Variants in TSPEAR observed in about 807,000 individuals in gnomAD.
The protein encoded by TSPEAR is thrombospondin-type laminin G domain and EAR repeat-containing protein.
A neutral mutation model predicts 71.6 loss-of-function variants in TSPEAR; 69 were observed. The observed-to-expected ratio is 0.96, with a 90% CI of 0.79 to 1.18. The LOEUF (loss-of-function observed/expected upper bound fraction) is 1.18, where lower values mean the gene tolerates loss of function less well. Ranked by LOEUF, TSPEAR falls within the 50% of genes most tolerant of loss-of-function variation. The pLI, the probability that TSPEAR is intolerant of heterozygous loss-of-function variation, is 0.00. For missense variants in TSPEAR, 971 were observed against 894.9 expected (o/e 1.09, Z -1.09); for synonymous variants, 402 against 387.2 (o/e 1.04, Z -0.45).
rs587759794 is a variant in TSPEAR, at chr21:44,672,374, T to G, written c.82+39059A>C. On this transcript the variant is annotated intron_variant, in intron 1 of 11. Transcript: ENST00000323084. ...TCACAAGGTCAGGAGATTGAGACCA[T>G]CCTGGCTAACACGGTGAAACCCCGT... is the stretch of plus-strand genomic sequence containing the variant. Among the ~76,000 whole-genome samples the G allele has an allele frequency of 3.4e-4, 51 of 152,170 alleles. No individual in the cohort carries two copies. The East Asian group carries it at 9.1e-3, about 27-fold the overall frequency.
chr21:44,633,390 T>C, intron 1 of TSPEAR, among the ~76,000 whole-genome samples: 1 of 152,226 alleles, frequency 6.6e-6, no homozygotes, highest in East Asian at 1.9e-4. Context: ...CTCCATAAAC[T>C]GTTTTGCCGT....
intron 1 of TSPEAR, chr21:44,601,794 C>A: frequency 6.4e-7 from 1 of 1,564,024 alleles, no homozygotes; most frequent in Non-Finnish European, 8.7e-7. Flanking sequence ...CCCCTGGATT[C>A]TTTACCCTTG....
rs587630981 is a variant in TSPEAR at position 44,615,258 on chromosome 21, G to A, written c.83-47253C>T. Among the ~76,000 whole-genome samples, 15 of 152,360 alleles carry A rather than the reference G, an allele frequency of 9.8e-5. No individual in the cohort carries two copies. In the East Asian group the frequency reaches 2.1e-3, roughly 22 times the overall value. On this transcript the variant is annotated intron_variant, in intron 1 of 11. Transcript: ENST00000323084. ...GCGAATGGAGCCAGCGCCGCACCAC[G>A]GGGAGGCCCTGCACGAGGGCCGTGC...
chr21:44,572,140 G>A (rs1434263778), intron 1 of TSPEAR, among the ~76,000 whole-genome samples: 2 of 152,328 alleles, frequency 1.3e-5, no homozygotes, highest in African/African-American at 4.8e-5. Context: ...CTCTGACCAC[G>A]AGGAAACCTC....
At chr21:44,545,997 A>G (rs115536772) in intron 2 of TSPEAR, among the ~76,000 whole-genome samples, 2,322 of 152,306 alleles carry the variant, frequency 0.015, 60 homozygotes, top group African/African-American at 0.053. Context: ...AGATTTGACA[A>G]ATCTTTATCT....
chr21:44,697,860 C>A, intron 1 of TSPEAR: 1 of 1,603,866 alleles, frequency 6.2e-7, no homozygotes, highest in Non-Finnish European at 8.5e-7. Context: ...CCCACCTCCT[C>A]CTGCCAGCCA....
intron 1 of TSPEAR, among the ~76,000 whole-genome samples, chr21:44,572,587 C>T (rs587628570): frequency 3.7e-4 from 57 of 152,004 alleles, no homozygotes; most frequent in African/African-American, 1.3e-3. Context: ...ACACTTCTGC[C>T]GTGCTTGCCT....
At chr21:44,692,046 A>T (rs1601571559) in intron 1 of TSPEAR, among the ~76,000 whole-genome samples, 1 of 152,208 alleles carries the variant, frequency 6.6e-6, no homozygotes. Flanking sequence ...ATGCAAAGAT[A>T]GCTCCAGATT....
At chr21:44,540,199 T>TG (rs1246092656) in intron 2 of TSPEAR, 5 of 1,590,240 alleles carry the variant, frequency 3.1e-6, no homozygotes, top group Non-Finnish European at 4.3e-6. Flanking sequence ...TGAGTGAGTG[T>TG]GGGAGTCAGT....
intron 1 of TSPEAR, chr21:44,676,487 C>T (rs1040749763): frequency 1.3e-5 from 11 of 859,888 alleles, no homozygotes; most frequent in East Asian, 4.8e-5. Flanking sequence ...CTCTGAACAG[C>T]GTGTTCGATT....
chr21:44,653,527 C>T (rs959642325), intron 1 of TSPEAR, among the ~76,000 whole-genome samples: 1 of 152,164 alleles, frequency 6.6e-6, no homozygotes, highest in Non-Finnish European at 1.5e-5. Flanking sequence ...TCCTTAAAAG[C>T]TTTTTTTATC....
chr21:44,511,861 A>G (rs762625102), intron 9 of TSPEAR, among the ~76,000 whole-genome samples: 16 of 152,248 alleles, frequency 1.1e-4, no homozygotes, highest in Non-Finnish European at 1.5e-4. Context: ...GGCACTCAGC[A>G]CTGTGTAGAG....
At chr21:44,584,133 T>C (rs1555925449) in intron 1 of TSPEAR, among the ~76,000 whole-genome samples, 1 of 152,250 alleles carries the variant, frequency 6.6e-6, no homozygotes, top group Non-Finnish European at 1.5e-5. Context: ...CTCTACTCTC[T>C]GCTTTGCCGA....
At chr21:44,672,020 A>G (rs1986077906) in intron 1 of TSPEAR, among the ~76,000 whole-genome samples, 1 of 152,164 alleles carries the variant, frequency 6.6e-6, no homozygotes, top group South Asian at 2.1e-4. Flanking sequence ...AAAGAATCCA[A>G]CAGAAATCCT....
intron 1 of TSPEAR, chr21:44,637,878 C>T (rs781813507): frequency 3.9e-6 from 6 of 1,532,528 alleles, no homozygotes; most frequent in Non-Finnish European, 5.3e-6. Context: ...TGCTCTAAGT[C>T]CGTCTGCTAT....
At chr21:44,652,922 C>T (rs1475504926) in intron 1 of TSPEAR, among the ~76,000 whole-genome samples, 2 of 152,006 alleles carry the variant, frequency 1.3e-5, no homozygotes, top group Admixed American at 6.5e-5. Context: ...TTTGGGAGGC[C>T]GAGGCGGGTG....
At chr21:44,516,820 G>A (rs986724971) in intron 9 of TSPEAR, among the ~76,000 whole-genome samples, 8 of 152,160 alleles carry the variant, frequency 5.3e-5, no homozygotes, top group South Asian at 2.1e-4. Context: ...ATCTATGTAC[G>A]CTGCTTTTCA....
At chr21:44,628,166 A>C (rs1555934999) in intron 1 of TSPEAR, 5 of 1,309,050 alleles carry the variant, frequency 3.8e-6, no homozygotes, top group Non-Finnish European at 4.2e-6. Context: ...CCCCAGCCAC[A>C]GCCGCCCAGC....
At chr21:44,590,831 T>C (rs181998721) in intron 1 of TSPEAR, among the ~76,000 whole-genome samples, 4,535 of 151,772 alleles carry the variant, frequency 0.03, 197 homozygotes, top group African/African-American at 0.1. Context: ...GAGGCAGCTT[T>C]CCTAAGATGG....
Sources: gnomAD v4.1 joint callset for allele counts (sites outside exome capture counted in the v4.1 genomes callset) on GRCh38, gnomAD v4.1.1 for gene constraint, MANE v1.5 for transcripts, NCBI Gene and HGNC (gene_info 2026-07-23, HGNC 2026-07-21) for gene names.